Variants in ITSN2 observed in about 807,000 individuals in gnomAD.
ITSN2 encodes the protein intersectin-2.
Under a neutral mutation model 243.7 loss-of-function variants are expected in ITSN2, and 156 were observed. The ratio of observed to expected loss-of-function variants is 0.64; its 90% CI spans 0.56 to 0.73. ITSN2 has a LOEUF of 0.73. Among genes scored for constraint, ITSN2 ranks in the 30% least tolerant of loss-of-function variants. The pLI, the probability that ITSN2 is intolerant of heterozygous loss-of-function variation, is 0.00. For synonymous variants in ITSN2, 703 were observed against 699.9 expected, an observed-to-expected ratio of 1.00 and a Z score of -0.07; for missense variants, 1,801 against 1,996.1, an observed-to-expected ratio of 0.90 and a Z score of 1.86.
chr2:24,317,362 CCGA>C (rs963825521), intron 2 of ITSN2, among the ~76,000 whole-genome samples: 3 of 151,332 alleles, frequency 2.0e-5, no homozygotes, highest in African/African-American at 4.9e-5. Context: ...CCAGCCTGCG[CCGA>C]CAAGGGCAAG....
rs574384990 is a variant in ITSN2, at chr2:24,225,556, T to G, written c.3578-4490A>C. ...GACTTGAGTCTGCCTTTCTCAGCCC[T>G]TGAGCCTCTCCTCTTCTTGGTGTTT... On this transcript the variant is annotated intron_variant, in intron 29 of 39. Transcript: ENST00000355123. The surrounding 1 kb of genome is among the most constrained non-coding windows in gnomAD (Gnocchi z 4.2). Among the ~76,000 whole-genome samples the G allele has an allele frequency of 6.6e-6, 1 of 152,250 alleles. No individual in the cohort carries two copies. The highest frequency in any genetic ancestry group is 1.9e-4 in the East Asian group (1 of 5,158).
At chr2:24,212,539 CTG>C in intron 33 of ITSN2, 109 bp downstream of exon 33, 1 of 760,588 alleles carries the variant, frequency 1.3e-6, no homozygotes, top group Non-Finnish European at 2.2e-6. Flanking sequence ...CGGTGTCACA[CTG>C]TGTGCAGGGT....
At chr2:24,215,528 G>T (rs1285407031) in intron 32 of ITSN2, among the ~76,000 whole-genome samples, 1 of 152,020 alleles carries the variant, frequency 6.6e-6, no homozygotes, top group African/African-American at 2.4e-5. Flanking sequence ...TTAGCCAGGC[G>T]TGGTGGCACA....
At chr2:24,331,968 G>A (rs1288271537) in intron 1 of ITSN2, among the ~76,000 whole-genome samples, 1 of 152,214 alleles carries the variant, frequency 6.6e-6, no homozygotes, top group African/African-American at 2.4e-5. Flanking sequence ...TTGTGGCCAG[G>A]CGCAGTGGTT....
intron 11 of ITSN2, among the ~76,000 whole-genome samples, chr2:24,300,456 G>A (rs1681572803): frequency 2.0e-5 from 3 of 152,194 alleles, no homozygotes. Context: ...GGTGGCTCAT[G>A]CCTGTAATCC....
At chr2:24,351,367 T>C (rs1558670298) in intron 1 of ITSN2, among the ~76,000 whole-genome samples, 1 of 152,226 alleles carries the variant, frequency 6.6e-6, no homozygotes, top group Non-Finnish European at 1.5e-5. Context: ...TGGTAGGCAC[T>C]AAAATATTCT....
Position 24,263,504 on chromosome 2 carries a change from T to C in ITSN2, c.2356-1762A>G, listed in dbSNP as rs572898911. ...ATATACCTGTGAAAAATCACCACAA[T>C]CAAGATAGCCAACACTTCCATCACC... On this transcript the variant is annotated intron_variant, in intron 20 of 39. Transcript: ENST00000355123. Among the ~76,000 whole-genome samples, 5 of 152,274 alleles carry C rather than the reference T, an allele frequency of 3.3e-5. No homozygotes were observed. In the East Asian group the frequency reaches 9.6e-4, roughly 29 times the overall value.
intron 20 of ITSN2, among the ~76,000 whole-genome samples, chr2:24,265,430 T>C (rs947291647): frequency 6.6e-6 from 1 of 152,240 alleles, no homozygotes; most frequent in African/African-American, 2.4e-5. Flanking sequence ...ACTGATTTTG[T>C]TATATTGATC....
rs771671977 is a variant in ITSN2, at chr2:24,203,656, C to T, written c.5064G>A (p.Leu1688=). Residue 1688 remains leucine, a synonymous_variant, in exon 40 of 40, where the codon CTG becomes CTA. Coordinates refer to ENST00000355123, the MANE Select transcript of ITSN2 (RefSeq NM_006277.3). The stretch of plus-strand genomic sequence containing the variant: ...GGAGAGTTTTTTGCTCAAAAAGCTG[C>T]AGGTCAAAACGGACCCAGACCTCCC... ...PTGEVWVRFD[L]QLFEQKTLL 7.4e-6 allele frequency: 12 copies of T among 1,614,088 alleles called. No individual in the cohort carries two copies. Among genetic ancestry groups the T allele is most frequent in the Non-Finnish European group, 1.0e-5 (12 of 1,179,994 alleles).
chr2:24,270,461 TGA>T (rs1677204628), intron 20 of ITSN2, among the ~76,000 whole-genome samples: 1 of 152,234 alleles, frequency 6.6e-6, no homozygotes, highest in Non-Finnish European at 1.5e-5. Flanking sequence ...ACAACTTGTG[TGA>T]GTTTAAGCTT....
At chr2:24,305,560 G>C (rs1270303821) in intron 8 of ITSN2, among the ~76,000 whole-genome samples, 2 of 119,938 alleles carry the variant, frequency 1.7e-5, no homozygotes, top group African/African-American at 6.3e-5. Flanking sequence ...CTGGGCAACA[G>C]AGCAAGACTC....
chr2:24,251,862 G>GA (rs1262391342), intron 25 of ITSN2, among the ~76,000 whole-genome samples: 1 of 151,644 alleles, frequency 6.6e-6, no homozygotes, highest in Non-Finnish European at 1.5e-5. Context: ...AAAGCCTATG[G>GA]GGTTCCTCAA....
At chr2:24,352,557 A>C (rs1424358300) in intron 1 of ITSN2, among the ~76,000 whole-genome samples, 1 of 152,174 alleles carries the variant, frequency 6.6e-6, no homozygotes, top group Admixed American at 6.5e-5. Flanking sequence ...CTCTATACAA[A>C]CTTAGTTCTT....
intron 25 of ITSN2, 72 bp from the exon 26 acceptor site, chr2:24,248,954 G>A: frequency 7.2e-7 from 1 of 1,392,786 alleles, no homozygotes; most frequent in South Asian, 1.2e-5. Flanking sequence ...AGGTTAATGG[G>A]AATTAGAGAT....
chr2:24,237,161 T>C (rs1313603162), intron 29 of ITSN2, among the ~76,000 whole-genome samples: 1 of 152,130 alleles, frequency 6.6e-6, no homozygotes, highest in Non-Finnish European at 1.5e-5. Context: ...TTATCTAATC[T>C]GTTTTAATTT....
intron 17 of ITSN2, among the ~76,000 whole-genome samples, chr2:24,277,190 G>C (rs1380087919): frequency 6.6e-6 from 1 of 152,156 alleles, no homozygotes; most frequent in Non-Finnish European, 1.5e-5. Flanking sequence ...CTGGAGGAAA[G>C]AAGTGGGGGC....
At chr2:24,264,555 T>C (rs1676365587) in intron 20 of ITSN2, among the ~76,000 whole-genome samples, 1 of 152,002 alleles carries the variant, frequency 6.6e-6, no homozygotes, top group East Asian at 1.9e-4. Flanking sequence ...TATTTTGAGT[T>C]AATCTGTGTA....
intron 13 of ITSN2, among the ~76,000 whole-genome samples, chr2:24,297,501 C>T (rs558858251): frequency 6.6e-6 from 1 of 152,228 alleles, no homozygotes. Flanking sequence ...TGTAAGAGAT[C>T]ATTTAGGTCA....
intron 38 of ITSN2, 30 bp downstream of exon 38, chr2:24,205,184 G>T: frequency 1.3e-6 from 2 of 1,583,318 alleles, no homozygotes; most frequent in Non-Finnish European, 1.7e-6. Context: ...GGGCAGTTAT[G>T]TCTGCTGAAT....
Sources: allele counts gnomAD v4.1 joint callset (sites outside exome capture counted in the v4.1 genomes callset), GRCh38; gene constraint gnomAD v4.1.1; non-coding constraint Gnocchi (gnomAD v3.1); transcripts MANE v1.5; gene names NCBI Gene and HGNC (gene_info 2026-07-23, HGNC 2026-07-21).